Variants in GPR155 observed in about 807,000 individuals in gnomAD.
The protein encoded by GPR155 is lysosomal cholesterol signaling protein.
A neutral mutation model predicts 93.1 loss-of-function variants in GPR155; 65 were observed. The ratio of observed to expected loss-of-function variants is 0.70; its 90% CI spans 0.57 to 0.86. The LOEUF (loss-of-function observed/expected upper bound fraction) is 0.86, where lower values mean the gene tolerates loss of function less well. Ranked by LOEUF, GPR155 falls within the 40% of genes least tolerant of loss-of-function variation. GPR155 has a pLI of 0.00. For missense variants in GPR155, 838 were observed against 1,034.8 expected, an observed-to-expected ratio of 0.81 and a Z score of 2.61; for synonymous variants, 319 against 360.1, an observed-to-expected ratio of 0.89 and a Z score of 1.29.
chr2:174,485,300 C>G (rs1156757897), intron 1 of GPR155, among the ~76,000 whole-genome samples: 1 of 151,492 alleles, frequency 6.6e-6, no homozygotes, highest in East Asian at 1.9e-4. Flanking sequence ...AACAAAAAAA[C>G]AAAACAAAAA....
chr2:174,432,747 T>C lies in GPR155; in HGVS notation c.*3369A>G, dbSNP rs1053144498. 2.7e-5 allele frequency: 4 copies of C among 148,308 alleles called. No individual in the cohort carries two copies. The highest frequency in any genetic ancestry group is 4.4e-5 in the Non-Finnish European group (3 of 67,636). The allele number at this position is 148,308 out of a possible 1,614,324, so 9.2% of individuals were successfully genotyped here. A position where few individuals can be genotyped will look rare whatever the true frequency, so the allele number is the denominator to read the frequency against. On this transcript the variant is annotated 3_prime_UTR_variant, in exon 16 of 16. Coordinates refer to ENST00000392552, the MANE Select transcript of GPR155 (RefSeq NM_152529.7). ...ATTTATTTGTTATTAATAAATATAC[T>C]AGGCTTCCATGCAGGTTTTTTTTTT...
rs765236535 is a variant in GPR155 at position 174,461,569 on chromosome 2, CAG to C, written c.1469+17_1469+18del. On this transcript the variant is annotated intron_variant, in intron 8 of 15. Coordinates refer to ENST00000392552, the MANE Select transcript of GPR155 (RefSeq NM_152529.7). ...GTCTATATGGAAAGGTGTAAGCAAA[CAG>C]AGAACTACCAACTTACCCCCAGCCA... 5.7e-6 allele frequency: 9 copies of C among 1,578,220 alleles called. No homozygotes were observed. The South Asian group carries it at 1.0e-4, about 17-fold the overall frequency.
Position 174,446,649 on chromosome 2 carries a change from C to A in GPR155, c.1975G>T (p.Val659Leu). Reference sequence around the variant, plus strand: ...ATGATGAGAAGTAAACACAGCAACACATGTCGGGTCAGTTGCTGGTCTCCA... The same window carrying A: ...ATGATGAGAAGTAAACACAGCAACAAATGTCGGGTCAGTTGCTGGTCTCCA... ...QSGDQQLTRH[V>L]LLCLLLIIGL... is the part of the protein sequence containing the mutation. The change falls in exon 12 of 16, where the codon GTG becomes TTG. Residue 659 changes from valine to leucine, a missense_variant. Around this residue, in one of 3 missense-constraint regions of GPR155, gnomAD observed 663 missense variants for 790.1 expected, o/e 0.84. Transcript: ENST00000392552. 6.2e-7 allele frequency: 1 copy of A among 1,613,938 alleles called. No individual in the cohort carries two copies. The highest frequency in any genetic ancestry group is 1.3e-5 in the African/African-American group (1 of 75,036).
chr2:174,456,445 C>T (rs35298203), intron 10 of GPR155, among the ~76,000 whole-genome samples: 37,851 of 151,782 alleles, frequency 0.25, 5,695 homozygotes, highest in Middle Eastern at 0.54. Context: ...GCTCGGACTA[C>T]AGGCACATGC....
At chr2:174,449,625 G>A (rs745731039) in intron 11 of GPR155, among the ~76,000 whole-genome samples, 4 of 152,136 alleles carry the variant, frequency 2.6e-5, no homozygotes, top group African/African-American at 7.2e-5. Flanking sequence ...CGGGCAGATC[G>A]CTTGAGCTCA....
intron 9 of GPR155, among the ~76,000 whole-genome samples, chr2:174,460,988 A>G (rs555077237): frequency 1.3e-5 from 2 of 152,336 alleles, no homozygotes; most frequent in South Asian, 4.1e-4. Context: ...TGCAGGTCCC[A>G]CAAGCCACCT....
intron 10 of GPR155, among the ~76,000 whole-genome samples, chr2:174,454,183 G>A (rs1687418768): frequency 6.6e-6 from 1 of 152,140 alleles, no homozygotes; most frequent in Non-Finnish European, 1.5e-5. Context: ...TGTTGCCCAG[G>A]CTGGAGTGCA....
At chr2:174,444,991 T>A (rs1328111679) in intron 13 of GPR155, 90 bp downstream of exon 13, 4 of 689,314 alleles carry the variant, frequency 5.8e-6, no homozygotes, top group Non-Finnish European at 1.0e-5. Flanking sequence ...GAAAACAACA[T>A]CCTAATCCAC....
intron 7 of GPR155, among the ~76,000 whole-genome samples, chr2:174,464,596 G>C (rs1296641586): frequency 1.3e-5 from 2 of 151,264 alleles, no homozygotes; most frequent in East Asian, 3.9e-4. Flanking sequence ...TGCTTGAAGG[G>C]GGTTTCAGAG....
At chr2:174,451,139 G>A (rs570161716) in intron 11 of GPR155, among the ~76,000 whole-genome samples, 5 of 151,948 alleles carry the variant, frequency 3.3e-5, no homozygotes, top group Non-Finnish European at 7.4e-5. Context: ...GTGAAACCCC[G>A]TCTCTACTAA....
intron 2 of GPR155, among the ~76,000 whole-genome samples, chr2:174,474,963 G>A (rs1028671717): frequency 2.0e-5 from 3 of 152,056 alleles, no homozygotes; most frequent in Non-Finnish European, 2.9e-5. Context: ...AGCCACAGTC[G>A]TTCACAAGGA....
intron 13 of GPR155, among the ~76,000 whole-genome samples, chr2:174,442,509 CGTAA>C (rs978844598): frequency 3.3e-5 from 5 of 151,896 alleles, no homozygotes; most frequent in African/African-American, 4.8e-5. Flanking sequence ...TCCCACTGTG[CGTAA>C]GTATTTATTA....
chr2:174,453,598 T>G, intron 11 of GPR155, 139 bp downstream of exon 11: 1 of 523,884 alleles, frequency 1.9e-6, no homozygotes, highest in Non-Finnish European at 3.5e-6. Context: ...AGGCACAGCT[T>G]GCAGTGAGCC....
chr2:174,480,781 T>A (rs544336376), intron 2 of GPR155, among the ~76,000 whole-genome samples: 34 of 150,058 alleles, frequency 2.3e-4, no homozygotes, highest in East Asian at 2.0e-3. Context: ...TTTTTTTTTT[T>A]AAATTTGAGA....
At chr2:174,442,555 TAAC>T (rs964046034) in intron 13 of GPR155, among the ~76,000 whole-genome samples, 1 of 152,240 alleles carries the variant, frequency 6.6e-6, no homozygotes, top group African/African-American at 2.4e-5. Context: ...ATTATATAAT[TAAC>T]AAGTGTTGCA....
intron 11 of GPR155, among the ~76,000 whole-genome samples, chr2:174,450,134 G>GAA (rs34260976): frequency 1.5e-5 from 2 of 136,808 alleles, no homozygotes; most frequent in Non-Finnish European, 1.6e-5. Flanking sequence ...ATCCTGTCTT[G>GAA]AAAAAAAAAA....
Position 174,470,515 on chromosome 2 carries a change from A to G in GPR155, c.901T>C (p.Leu301=), listed in dbSNP as rs1687964433. The change falls in exon 4 of 16, where the codon TTG becomes CTG. Residue 301 remains leucine (L), a synonymous_variant. Coordinates refer to ENST00000392552, the MANE Select transcript of GPR155 (RefSeq NM_152529.7). The part of the protein sequence containing the change: ...PLLCREMVEL[L]DKGDSVVNHT... ...TTCACCACACTGTCGCCCTTGTCCAAGAGTTCCACCATTTCTCTGCACAGA... is the reference window on the plus strand; with the variant it reads ...TTCACCACACTGTCGCCCTTGTCCAGGAGTTCCACCATTTCTCTGCACAGA... 6.2e-7 allele frequency: 1 copy of G among 1,614,006 alleles called. No homozygotes were observed. Among genetic ancestry groups the G allele is most frequent in the Non-Finnish European group, 8.5e-7 (1 of 1,180,000 alleles).
chr2:174,450,007 G>T (rs546172048), intron 11 of GPR155, among the ~76,000 whole-genome samples: 1 of 151,864 alleles, frequency 6.6e-6, no homozygotes, highest in Non-Finnish European at 1.5e-5. Context: ...TTAGCCAGGC[G>T]TGGTTGCACA....
At chr2:174,448,562 G>C (rs1369079610) in intron 11 of GPR155, among the ~76,000 whole-genome samples, 3 of 123,066 alleles carry the variant, frequency 2.4e-5, no homozygotes, top group African/African-American at 9.5e-5. Context: ...ACGGAGTCTC[G>C]CTCTGTCGCC....
Sources: allele counts gnomAD v4.1 joint callset (sites outside exome capture counted in the v4.1 genomes callset), GRCh38; gene constraint gnomAD v4.1.1; regional missense constraint gnomAD v4.1.1; transcripts MANE v1.5; gene names NCBI Gene and HGNC (gene_info 2026-07-23, HGNC 2026-07-21).